The following PXDC1 variants were observed in gnomAD, a reference collection of about 807,000 sequenced individuals.
The protein encoded by PXDC1 is PX domain-containing protein 1.
Under a neutral mutation model 24.4 loss-of-function variants are expected in PXDC1, and 13 were observed. The observed-to-expected ratio is 0.53, with a 90% confidence interval of 0.35 to 0.85. The LOEUF (loss-of-function observed/expected upper bound fraction) is 0.85, where lower values mean the gene tolerates loss of function less well. PXDC1 is among the 40% of genes least tolerant of loss of function. PXDC1 has a pLI of 0.01. For missense variants in PXDC1, 344 were observed against 309.3 expected (o/e 1.11, Z -0.84); for synonymous variants, 162 against 124.9 (o/e 1.30, Z -1.98).
intron 3 of PXDC1, among the ~76,000 whole-genome samples, chr6:3,731,706 C>T (rs1319727368): frequency 6.6e-6 from 1 of 152,230 alleles, no homozygotes; most frequent in Non-Finnish European, 1.5e-5. Flanking sequence ...CTTCTGCGAC[C>T]TCTGACAGTT....
At chr6:3,745,751 T>G (rs1045509449) in intron 1 of PXDC1, among the ~76,000 whole-genome samples, 2 of 152,170 alleles carry the variant, frequency 1.3e-5, no homozygotes, top group Non-Finnish European at 2.9e-5. Flanking sequence ...GGCCTTGATC[T>G]TCTATGATGA....
rs1274326065 is a variant in PXDC1, at chr6:3,724,632, C to T, written c.579-896G>A. ...TGTGGACAGAGGCAAGCAGCTGCCC[C>T]GCCCTCCTGGGAGCCACCTCGGGGC... On this transcript the variant is annotated intron_variant, in intron 4 of 4. Coordinates refer to ENST00000380283, the MANE Select transcript of PXDC1 (RefSeq NM_183373.4). The surrounding 1 kb of genome is among the most constrained non-coding windows in gnomAD (Gnocchi z 4.5). Among the ~76,000 whole-genome samples, 2 of 152,154 alleles carry T rather than the reference C, an allele frequency of 1.3e-5. No homozygotes were observed. The highest frequency in any genetic ancestry group is 2.1e-4 in the South Asian group (1 of 4,834).
At position 3,728,103 on chromosome 6, in the gene PXDC1, T is replaced by C. The variant is rs1466619039; in HGVS notation, c.467-441A>G. On this transcript the variant is annotated intron_variant, in intron 3 of 4. Coordinates refer to ENST00000380283, the MANE Select transcript of PXDC1 (RefSeq NM_183373.4). The surrounding 1 kb of genome is among the most constrained non-coding windows in gnomAD (Gnocchi z 4.0). ...ACATGAGTAACAATATTGACTGCCCTGGGTTGTTGTTCTGACTGAATGAAA... is the reference window on the plus strand; with the variant it reads ...ACATGAGTAACAATATTGACTGCCCCGGGTTGTTGTTCTGACTGAATGAAA... 1.3e-5 allele frequency among the ~76,000 whole-genome samples: 2 copies of C among 152,216 alleles called. No homozygotes were observed. Among genetic ancestry groups the C allele is most frequent in the African/African-American group, 4.8e-5 (2 of 41,452 alleles).
At chr6:3,742,309 A>G (rs1052166897) in intron 1 of PXDC1, among the ~76,000 whole-genome samples, 2 of 152,222 alleles carry the variant, frequency 1.3e-5, no homozygotes, top group African/African-American at 4.8e-5. Flanking sequence ...TGTTTACCAT[A>G]AGCAACGATT....
At chr6:3,750,973 C>A (rs1034708435) in intron 1 of PXDC1, 7 of 349,416 alleles carry the variant, frequency 2.0e-5, no homozygotes, top group African/African-American at 1.5e-4. Context: ...GGCGCCCCCG[C>A]CCTCCTCGGA....
intron 3 of PXDC1, among the ~76,000 whole-genome samples, chr6:3,731,192 A>C (rs1228069720): frequency 6.6e-6 from 1 of 152,234 alleles, no homozygotes; most frequent in Non-Finnish European, 1.5e-5. Context: ...CAGGCCCCCT[A>C]AACCTAAATA....
chr6:3,747,039 A>G (rs1760586170), intron 1 of PXDC1, among the ~76,000 whole-genome samples: 1 of 152,140 alleles, frequency 6.6e-6, no homozygotes, highest in Non-Finnish European at 1.5e-5. Flanking sequence ...AGGCAGGTAC[A>G]TTAGCACCAC....
intron 1 of PXDC1, among the ~76,000 whole-genome samples, chr6:3,746,838 C>T (rs964578883): frequency 6.6e-6 from 1 of 152,142 alleles, no homozygotes; most frequent in Admixed American, 6.5e-5. Flanking sequence ...TGAGCAGGTT[C>T]AGGCCCTGGG....
rs560046695 is a variant in PXDC1, at chr6:3,744,519, A to C, written c.257-6371T>G. On this transcript the variant is annotated intron_variant, in intron 1 of 4. Coordinates refer to ENST00000380283, the MANE Select transcript of PXDC1 (RefSeq NM_183373.4). ...GATATAAGGGTGAAAGGGGTTGGGG[A>C]AAGAGGGAGTGAGATGGGGAAGGTG... 3.3e-5 allele frequency among the ~76,000 whole-genome samples: 5 copies of C among 152,206 alleles called. 1 individual carries two copies. The South Asian group carries it at 1.0e-3, about 32-fold the overall frequency.
intron 3 of PXDC1, among the ~76,000 whole-genome samples, chr6:3,729,574 G>A (rs993891846): frequency 3.3e-5 from 5 of 152,234 alleles, no homozygotes; most frequent in Non-Finnish European, 7.3e-5. Context: ...ACTTCCAGGT[G>A]TAAAAGGGGC....
intron 1 of PXDC1, among the ~76,000 whole-genome samples, chr6:3,741,217 C>A (rs958063340): frequency 2.6e-5 from 4 of 152,254 alleles, no homozygotes; most frequent in African/African-American, 7.2e-5. Context: ...CTGAGCCACA[C>A]TGGTTTGATT....
intron 1 of PXDC1, among the ~76,000 whole-genome samples, chr6:3,741,346 G>A (rs1012258101): frequency 1.3e-5 from 2 of 152,246 alleles, no homozygotes; most frequent in African/African-American, 4.8e-5. Context: ...AACAAAAGGA[G>A]CCTGAGAAAA....
In PXDC1 at chr6:3,723,461, C is replaced by T; in HGVS notation, c.*158G>A. On this transcript the variant is annotated 3_prime_UTR_variant, in exon 5 of 5. Coordinates refer to ENST00000380283, the MANE Select transcript of PXDC1 (RefSeq NM_183373.4). ...TGGCCCACTAGGAGCCCCTGCTGCTCCACTTGCAGGACACCCAGGCCTCCT... is the reference window on the plus strand; with the variant it reads ...TGGCCCACTAGGAGCCCCTGCTGCTTCACTTGCAGGACACCCAGGCCTCCT... The T allele has an allele frequency of 1.5e-6, 1 of 674,544 alleles. No homozygotes were observed. Among genetic ancestry groups the T allele is most frequent in the Non-Finnish European group, 2.7e-6 (1 of 373,026 alleles). 41.8% of individuals were successfully genotyped at this position (674,544 alleles called of 1,614,324 possible).
At chr6:3,739,373 T>C (rs117273668) in intron 1 of PXDC1, among the ~76,000 whole-genome samples, 1 of 152,342 alleles carries the variant, frequency 6.6e-6, no homozygotes, top group East Asian at 1.9e-4. Flanking sequence ...CTCAAGCACG[T>C]GCCAGGTGCC....
chr6:3,726,204 C>G (rs141304743), intron 4 of PXDC1, among the ~76,000 whole-genome samples: 40 of 152,326 alleles, frequency 2.6e-4, no homozygotes, highest in African/African-American at 9.1e-4. Context: ...TCTGTCTTCT[C>G]CCCAAGACAG....
intron 3 of PXDC1, among the ~76,000 whole-genome samples, chr6:3,734,887 C>A (rs569031390): frequency 2.6e-5 from 4 of 152,184 alleles, no homozygotes; most frequent in Admixed American, 6.5e-5. Context: ...GAGTTTCAGA[C>A]CAGCTTGGGA....
chr6:3,751,684 T>G lies in PXDC1; in HGVS notation c.-153A>C. ...CAAGGAGGCTGCGTATGGCCCGCGT[T>G]CGGGGCAGCGGGGCGGCGCGGCGGC... On this transcript the variant is annotated 5_prime_UTR_variant, in exon 1 of 5. Coordinates refer to ENST00000380283, the MANE Select transcript of PXDC1 (RefSeq NM_183373.4). 1 of 1,175,596 alleles carries G rather than the reference T, an allele frequency of 8.5e-7. No homozygotes were observed. The highest frequency in any genetic ancestry group is 1.1e-6 in the Non-Finnish European group (1 of 933,742). The allele number at this position is 1,175,596 out of a possible 1,614,324, so 72.8% of individuals were successfully genotyped here.
Position 3,722,829 on chromosome 6 carries a change from A to G in PXDC1, c.*790T>C, listed in dbSNP as rs1759969525. 1 of 152,556 alleles carries G rather than the reference A, an allele frequency of 6.6e-6. No homozygotes were observed. The highest frequency in any genetic ancestry group is 1.5e-5 in the Non-Finnish European group (1 of 68,024). 9.5% of individuals were successfully genotyped at this position (152,556 alleles called of 1,614,324 possible). ...CCCGTCCTTTCAAGTTCATTATGGCAGCTCTGTCAATGAGCACCCCAGGGT... is the reference window on the plus strand; with the variant it reads ...CCCGTCCTTTCAAGTTCATTATGGCGGCTCTGTCAATGAGCACCCCAGGGT... On this transcript the variant is annotated 3_prime_UTR_variant, in exon 5 of 5. Coordinates refer to ENST00000380283, the MANE Select transcript of PXDC1 (RefSeq NM_183373.4).
rs551961925 is a variant in PXDC1 at position 3,745,629 on chromosome 6, G to C, written c.256+5647C>G. Among the ~76,000 whole-genome samples, 9 of 152,114 alleles carry C rather than the reference G, an allele frequency of 5.9e-5. No individual in the cohort carries two copies. The East Asian group carries it at 1.7e-3, about 29-fold the overall frequency. Reference sequence around the variant, plus strand: ...TGTTCCCAGGTGGGGAGATCCCTGAGCCTGACCCCTCTCACTGTAACTGAG... The same window carrying C: ...TGTTCCCAGGTGGGGAGATCCCTGACCCTGACCCCTCTCACTGTAACTGAG... On this transcript the variant is annotated intron_variant, in intron 1 of 4. Coordinates refer to ENST00000380283, the MANE Select transcript of PXDC1 (RefSeq NM_183373.4).
Sources: gnomAD v4.1 joint callset for allele counts (sites outside exome capture counted in the v4.1 genomes callset) on GRCh38, gnomAD v4.1.1 for gene constraint, Gnocchi (gnomAD v3.1) non-coding constraint, MANE v1.5 for transcripts, NCBI Gene and HGNC (gene_info 2026-07-23, HGNC 2026-07-21) for gene names.